Variants in UBN2 observed in about 807,000 individuals in gnomAD.
UBN2 encodes the protein ubinuclein 2, also known as ubinuclein-2.
A neutral mutation model predicts 120.2 loss-of-function variants in UBN2; 35 were observed. That is an observed-to-expected ratio of 0.29 (90% CI 0.22 to 0.39). The LOEUF (loss-of-function observed/expected upper bound fraction) is 0.39. Ranked by LOEUF, UBN2 falls within the 10% of genes least tolerant of loss-of-function variation. The pLI is 1.00. For synonymous variants in UBN2, 661 were observed against 648.7 expected, an observed-to-expected ratio of 1.02 and a Z score of -0.29; for missense variants, 1,693 against 1,663.2, an observed-to-expected ratio of 1.02 and a Z score of -0.31.
In UBN2 at chr7:139,276,285, C is replaced by A. The variant is rs1229999807; in HGVS notation, c.2024+138C>A. ...ACCATTGACTATTTAGACTTCAGAA[C>A]ACATTTATCTATTGAAATAATTGTC... On this transcript the variant is annotated intron_variant, in intron 12 of 17. Coordinates refer to ENST00000473989, the MANE Select transcript of UBN2 (RefSeq NM_173569.4). 5.0e-6 allele frequency: 4 copies of A among 800,466 alleles called. No homozygotes were observed. The South Asian group carries it at 6.1e-5, about 12-fold the overall frequency. 49.6% of individuals were successfully genotyped at this position (800,466 alleles called of 1,614,324 possible).
chr7:139,293,458 C>G lies in UBN2; in HGVS notation c.3896C>G (p.Thr1299Ser). The change falls in exon 16 of 18, where the codon ACT becomes AGT. Residue 1299 changes from threonine (T) to serine (S), a missense_variant. Transcript: ENST00000473989. The part of the protein sequence containing the change: ...STSAAFHHSL[T>S]QNLLKGLQPG... ...TCAGCCGCTTTCCACCATAGCCTAACTCAGAGTAAGTGGGGCTCTTCTATT... is the reference window on the plus strand; with the variant it reads ...TCAGCCGCTTTCCACCATAGCCTAAGTCAGAGTAAGTGGGGCTCTTCTATT... 2.5e-6 allele frequency: 4 copies of G among 1,614,044 alleles called. No individual in the cohort carries two copies. The highest frequency in any genetic ancestry group is 3.4e-6 in the Non-Finnish European group (4 of 1,179,936).
chr7:139,284,837 A>G (rs1479116581), intron 15 of UBN2, among the ~76,000 whole-genome samples: 2 of 152,082 alleles, frequency 1.3e-5, no homozygotes, highest in African/African-American at 4.8e-5. Context: ...CGATGTCTTC[A>G]TTACAAGCAA....
chr7:139,297,714 T>A, intron 17 of UBN2, 73 bp from the exon 18 acceptor site: 1 of 1,407,650 alleles, frequency 7.1e-7, no homozygotes, highest in Non-Finnish European at 1.0e-6. Context: ...TTAATTGTTG[T>A]TTTTGCTTTG....
intron 2 of UBN2, 79 bp from the exon 3 acceptor site, chr7:139,251,877 A>G: frequency 1.4e-6 from 2 of 1,381,666 alleles, no homozygotes; most frequent in East Asian, 4.6e-5. Context: ...AAATTATTTG[A>G]ATTCTTCTAA....
Position 139,261,351 on chromosome 7 carries a change from G to C in UBN2, c.1005G>C (p.Lys335Asn). Residue 335 changes from lysine (K) to asparagine (N), a missense_variant, in exon 6 of 18, where the codon AAG (lysine) becomes AAC (asparagine). Coordinates refer to ENST00000473989, the MANE Select transcript of UBN2 (RefSeq NM_173569.4). The part of the protein sequence containing the change: ...AAMIRKFQKE[K>N]DALKKESNPK... ...TGATTAGAAAATTCCAGAAAGAGAA[G>C]GATGCATTAAAGAAGGAGTCTAACC... 6.2e-7 allele frequency: 1 copy of C among 1,614,148 alleles called. No individual in the cohort carries two copies. Among genetic ancestry groups the C allele is most frequent in the Non-Finnish European group, 8.5e-7 (1 of 1,180,026 alleles).
chr7:139,293,002 G>A (rs138275767), intron 15 of UBN2, among the ~76,000 whole-genome samples: 10 of 152,288 alleles, frequency 6.6e-5, no homozygotes, highest in Non-Finnish European at 1.2e-4. Context: ...GGAGGAGTGC[G>A]AGTGGAAGGT....
downstream of UBN2, among the ~76,000 whole-genome samples, chr7:139,313,235 T>C (rs545855087): frequency 6.6e-6 from 1 of 152,324 alleles, no homozygotes; most frequent in African/African-American, 2.4e-5. Flanking sequence ...TATATAGTGG[T>C]TTAAGAAGAA....
chr7:139,316,726 CAA>C, the UBN2 span, among the ~76,000 whole-genome samples: 4 of 151,794 alleles, frequency 2.6e-5, no homozygotes, highest in Admixed American at 6.6e-5. Flanking sequence ...GCCTGGACGA[CAA>C]GAGTGAAACT....
At chr7:139,263,107 T>C (rs1796989177) in intron 6 of UBN2, among the ~76,000 whole-genome samples, 1 of 152,190 alleles carries the variant, frequency 6.6e-6, no homozygotes, top group South Asian at 2.1e-4. Flanking sequence ...GAGACATCTC[T>C]TTCTGTCTCC....
chr7:139,232,329 G>T lies in UBN2; in HGVS notation c.468+377G>T, dbSNP rs537611014. Among the ~76,000 whole-genome samples the T allele has an allele frequency of 3.9e-5, 6 of 152,368 alleles. No homozygotes were observed. The South Asian group carries it at 1.2e-3, about 32-fold the overall frequency. On this transcript the variant is annotated intron_variant, in intron 1 of 17. Coordinates refer to ENST00000473989, the MANE Select transcript of UBN2 (RefSeq NM_173569.4). ...TTCTCCCTGTGGCGCTACAGCTGTC[G>T]TTCCAGTAGAAAGGAAGAGAAAACC...
At chr7:139,295,164 G>A (rs1451029719) in intron 17 of UBN2, among the ~76,000 whole-genome samples, 1 of 151,948 alleles carries the variant, frequency 6.6e-6, no homozygotes, top group East Asian at 1.9e-4. Context: ...TGCAGAGATG[G>A]GAACTGAGGG....
rs1376720297 is a variant in UBN2, at chr7:139,293,784, G to C, written c.3902-105G>C. 15 of 1,049,296 alleles carry C rather than the reference G, an allele frequency of 1.4e-5. No homozygotes were observed. The Admixed American group carries it at 3.2e-4, about 22-fold the overall frequency. The allele number at this position is 1,049,296 out of a possible 1,614,324, so 65.0% of individuals were successfully genotyped here. On this transcript the variant is annotated intron_variant, in intron 16 of 17. Coordinates refer to ENST00000473989, the MANE Select transcript of UBN2 (RefSeq NM_173569.4). ...CGTGCTCTAGTTTTAGAAGGCCTTCGAAGTCAGGTGCTGTGCCTGCATTAC... is the reference window on the plus strand; with the variant it reads ...CGTGCTCTAGTTTTAGAAGGCCTTCCAAGTCAGGTGCTGTGCCTGCATTAC...
At chr7:139,311,812 C>A (rs1174100843), downstream of UBN2, among the ~76,000 whole-genome samples, 1 of 152,176 alleles carries the variant, frequency 6.6e-6, no homozygotes, top group Admixed American at 6.5e-5. Context: ...TCAGAAACCC[C>A]TGGCTGAAAA....
At chr7:139,260,866 G>A (rs1796911146) in intron 5 of UBN2, among the ~76,000 whole-genome samples, 2 of 152,110 alleles carry the variant, frequency 1.3e-5, no homozygotes, top group Admixed American at 1.3e-4. Context: ...TGTATACCAG[G>A]CACTGATACA....
chr7:139,251,847 G>A (rs1796632859), intron 2 of UBN2, 109 bp from the exon 3 acceptor site: 1 of 918,432 alleles, frequency 1.1e-6, no homozygotes, highest in East Asian at 2.5e-5. Context: ...AAACCTCCTG[G>A]AGAGGGGGAC....
downstream of UBN2, among the ~76,000 whole-genome samples, chr7:139,308,796 G>A (rs528979671): frequency 4.6e-5 from 7 of 152,330 alleles, no homozygotes; most frequent in East Asian, 1.3e-3. Context: ...AAGAGGCCGG[G>A]CGTGGTGGCT....
At chr7:139,316,106 AAG>A in the UBN2 span, among the ~76,000 whole-genome samples, 296 of 135,708 alleles carry the variant, frequency 2.2e-3, 84 homozygotes, top group African/African-American at 8.1e-3. Context: ...AAAAAAAAAA[AAG>A]GGGTTCCAGT....
In UBN2 at chr7:139,293,443, T is replaced by A. The variant is rs972082832; in HGVS notation, c.3881T>A (p.Phe1294Tyr). ...ACCTCGGGATCTACCTCAGCCGCTT[T>A]CCACCATAGCCTAACTCAGAGTAAG... Reference protein sequence around the residue: ...TTTSGSTSAAFHHSLTQNLLK... With the variant: ...TTTSGSTSAAYHHSLTQNLLK... The change falls in exon 16 of 18, where the codon TTC becomes TAC. Residue 1294 changes from phenylalanine (F) to tyrosine (Y), a missense_variant. Around this residue, in one of 5 missense-constraint regions of UBN2, gnomAD observed 837 missense variants for 817.6 expected, o/e 1.02. Coordinates refer to ENST00000473989, the MANE Select transcript of UBN2 (RefSeq NM_173569.4). 1.3e-5 allele frequency: 21 copies of A among 1,614,078 alleles called. No individual in the cohort carries two copies. Among genetic ancestry groups the A allele is most frequent in the Non-Finnish European group, 1.6e-5 (19 of 1,180,026 alleles).
chr7:139,324,555 C>CAAAAAAAAAAA, the UBN2 span, among the ~76,000 whole-genome samples: 1 of 68,914 alleles, frequency 1.5e-5, no homozygotes, highest in Non-Finnish European at 2.9e-5. Flanking sequence ...GACTCCATCT[C>CAAAAAAAAAAA]AAAAAAAAAA....
Sources: gnomAD v4.1 joint callset for allele counts (sites outside exome capture counted in the v4.1 genomes callset) on GRCh38, gnomAD v4.1.1 for gene constraint, gnomAD v4.1.1 regional missense constraint, MANE v1.5 for transcripts, NCBI Gene and HGNC (gene_info 2026-07-23, HGNC 2026-07-21) for gene names.